Variants in CEP162 observed in about 807,000 individuals in gnomAD.
CEP162 encodes centrosomal protein of 162 kDa.
In CEP162, 141 loss-of-function variants were observed where a neutral mutation model predicts 169.2. That is an observed-to-expected ratio of 0.83 (90% CI 0.73 to 0.96). The LOEUF is 0.96. Ranked by LOEUF, CEP162 falls within the 40% of genes least tolerant of loss-of-function variation. The pLI, the probability that CEP162 is intolerant of heterozygous loss-of-function variation, is 0.00. For synonymous variants in CEP162, 540 were observed against 526.4 expected, an observed-to-expected ratio of 1.03 and a Z score of -0.35; for missense variants, 1,600 against 1,587.2, an observed-to-expected ratio of 1.01 and a Z score of -0.14.
chr6:84,129,441 G>A (rs752373015), intron 25 of CEP162, among the ~76,000 whole-genome samples: 1 of 152,156 alleles, frequency 6.6e-6, no homozygotes, highest in African/African-American at 2.4e-5. Flanking sequence ...AATGACCAGC[G>A]ATGAGCTTTT....
intron 25 of CEP162, among the ~76,000 whole-genome samples, chr6:84,134,207 C>T (rs2099512884): frequency 6.6e-6 from 1 of 152,206 alleles, no homozygotes; most frequent in African/African-American, 2.4e-5. Flanking sequence ...TGCCACTCCC[C>T]CCACCAAGCT....
At chr6:84,137,748 A>G (rs1366405856) in intron 25 of CEP162, among the ~76,000 whole-genome samples, 1 of 152,170 alleles carries the variant, frequency 6.6e-6, no homozygotes, top group Non-Finnish European at 1.5e-5. Context: ...GTGGAACAAT[A>G]GATTGAAAAA....
intron 7 of CEP162, 31 bp from the exon 8 acceptor site, chr6:84,201,798 T>C (rs762166078): frequency 1.7e-6 from 2 of 1,184,048 alleles, no homozygotes; most frequent in Non-Finnish European, 2.4e-6. Context: ...GATGATATGT[T>C]TTGAAACCAA....
In CEP162 at chr6:84,186,595, TTTC is replaced by T. The variant is rs199518175; in HGVS notation, c.1135_1137del (p.Glu379del). On this transcript the variant is annotated inframe_deletion, in exon 12 of 27. Coordinates refer to ENST00000403245, the MANE Select transcript of CEP162 (RefSeq NM_014895.4). The stretch of plus-strand genomic sequence containing the variant: ...AGGGGTAAAGAGCTAAAAAATTCAG[TTTC>T]TTTTCTTTCGGCCACTTTCTCAGAG... 0.043 allele frequency: 68,573 copies of T among 1,604,226 alleles called. 1,908 individuals carry two copies. Among genetic ancestry groups the T allele is most frequent in the Admixed American group, 0.11 (6,786 of 59,106 alleles).
At chr6:84,132,738 A>C (rs561178367) in intron 25 of CEP162, among the ~76,000 whole-genome samples, 10 of 152,220 alleles carry the variant, frequency 6.6e-5, no homozygotes, top group African/African-American at 2.4e-4. Context: ...TTAGCTAGCC[A>C]TTCGTCTACT....
chr6:84,160,687 T>G (rs1310634842), intron 21 of CEP162, 125 bp downstream of exon 21: 1 of 620,512 alleles, frequency 1.6e-6, no homozygotes, highest in African/African-American at 1.8e-5. Flanking sequence ...CTTTTACTAA[T>G]GTAAATACTT....
intron 16 of CEP162, among the ~76,000 whole-genome samples, chr6:84,172,960 G>A (rs2099530782): frequency 2.0e-5 from 3 of 152,142 alleles, no homozygotes; most frequent in South Asian, 4.1e-4. Context: ...GCAACACCAA[G>A]ATACCAAGAT....
At chr6:84,161,958 G>A (rs2099525962) in intron 19 of CEP162, 49 bp from the exon 20 acceptor site, 5 of 1,134,202 alleles carry the variant, frequency 4.4e-6, no homozygotes, top group African/African-American at 1.6e-5. Flanking sequence ...TCCAAAATAT[G>A]GAAATAAACT....
intron 11 of CEP162, among the ~76,000 whole-genome samples, chr6:84,190,428 T>G (rs1013131771): frequency 6.6e-6 from 1 of 152,152 alleles, no homozygotes; most frequent in African/African-American, 2.4e-5. Context: ...TTCCACACTG[T>G]GGAAGCTTTG....
At chr6:84,215,726 T>C in intron 4 of CEP162, 50 bp downstream of exon 4, 1 of 1,529,178 alleles carries the variant, frequency 6.5e-7, no homozygotes, top group Non-Finnish European at 8.8e-7. Context: ...ATTCTGAATA[T>C]AAGCATAACA....
intron 11 of CEP162, among the ~76,000 whole-genome samples, chr6:84,192,147 C>T (rs1428609559): frequency 1.3e-5 from 2 of 152,158 alleles, no homozygotes; most frequent in South Asian, 2.1e-4. Flanking sequence ...TTTTTGATGA[C>T]AAGCTACTAA....
chr6:84,161,035 A>C (rs563644129), intron 20 of CEP162, 119 bp from the exon 21 acceptor site: 30 of 703,732 alleles, frequency 4.3e-5, no homozygotes, highest in Non-Finnish European at 6.3e-5. Context: ...AAATTTGGGG[A>C]ATTAATTCCT....
chr6:84,149,420 A>C, intron 24 of CEP162, 142 bp downstream of exon 24: 2 of 474,224 alleles, frequency 4.2e-6, no homozygotes, highest in Non-Finnish European at 6.9e-6. Flanking sequence ...TAAAAAAGAA[A>C]TCAAGCCAAT....
intron 21 of CEP162, among the ~76,000 whole-genome samples, chr6:84,159,523 T>TTTTATA (rs1244967462): frequency 5.4e-5 from 2 of 37,138 alleles, no homozygotes; most frequent in African/African-American, 2.2e-4. Flanking sequence ...AATTAATTAT[T>TTTTATA]TATATATATA....
intron 25 of CEP162, among the ~76,000 whole-genome samples, chr6:84,145,086 C>T (rs1479945294): frequency 6.6e-6 from 1 of 152,110 alleles, no homozygotes; most frequent in Non-Finnish European, 1.5e-5. Context: ...AATACATTGA[C>T]TTTCTGACGC....
At chr6:84,205,598 C>T (rs2099546577) in intron 6 of CEP162, among the ~76,000 whole-genome samples, 3 of 152,110 alleles carry the variant, frequency 2.0e-5, no homozygotes, top group Admixed American at 1.3e-4. Context: ...TTATGACAAA[C>T]CCACAGCCAA....
chr6:84,224,633 A>G (rs367707827), intron 2 of CEP162, among the ~76,000 whole-genome samples: 2 of 152,240 alleles, frequency 1.3e-5, no homozygotes, highest in East Asian at 3.9e-4. Flanking sequence ...TTGTTTGAAC[A>G]ATAATTTATC....
rs553230101 is a variant in CEP162, at chr6:84,129,635, C to T, written c.3871-3123G>A. Among the ~76,000 whole-genome samples, 30 of 152,092 alleles carry T rather than the reference C, an allele frequency of 2.0e-4. 1 individual carries two copies. Among genetic ancestry groups the T allele is most frequent in the African/African-American group, 7.0e-4 (29 of 41,488 alleles). On this transcript the variant is annotated intron_variant, in intron 25 of 26. Transcript: ENST00000403245. ...AAATTTTCTGCCATTCTGTAGGGTG[C>T]CTGTTCACTCCGGTTTTTGCTGTGC...
intron 2 of CEP162, among the ~76,000 whole-genome samples, chr6:84,222,033 T>C (rs1196606547): frequency 1.3e-5 from 2 of 151,048 alleles, no homozygotes; most frequent in Admixed American, 1.3e-4. Flanking sequence ...AATGAAAAAA[T>C]GAGCATTCTA....
Sources: gnomAD v4.1 joint callset for allele counts (sites outside exome capture counted in the v4.1 genomes callset) on GRCh38, gnomAD v4.1.1 for gene constraint, MANE v1.5 for transcripts, NCBI Gene and HGNC (gene_info 2026-07-23, HGNC 2026-07-21) for gene names.